Variants in WDR44 observed in about 807,000 individuals in gnomAD.
The protein encoded by WDR44 is WD repeat domain 44.
WDR44 carries 9 observed loss-of-function variants against 65.7 expected under a neutral mutation model. The observed-to-expected ratio is 0.14, with a 90% CI of 0.08 to 0.24. The LOEUF (loss-of-function observed/expected upper bound fraction) is 0.24, where lower values mean the gene tolerates loss of function less well. Among genes scored for constraint, WDR44 ranks in the 10% least tolerant of loss-of-function variants. The pLI, the probability that WDR44 is intolerant of heterozygous loss-of-function variation, is 1.00. For synonymous variants in WDR44, 220 were observed against 235.2 expected, an observed-to-expected ratio of 0.94 and a Z score of 0.59; for missense variants, 425 against 670.9, an observed-to-expected ratio of 0.63 and a Z score of 4.05.
intron 14 of WDR44, among the ~76,000 whole-genome samples, chrX:118,437,992 C>T (rs766950082): frequency 3.3e-4 from 36 of 108,105 alleles, no homozygotes; most frequent in Middle Eastern, 4.7e-3. Context: ...GCTGAGATCG[C>T]GCCAGCCTGG....
chrX:118,376,605 G>A (rs2056662458), intron 1 of WDR44, among the ~76,000 whole-genome samples: 1 of 111,443 alleles, frequency 9.0e-6, no homozygotes, highest in Non-Finnish European at 1.9e-5. Flanking sequence ...ATAACCCCAA[G>A]GTATAACTAA....
At chrX:118,396,382 A>C (rs1275574231) in intron 6 of WDR44, among the ~76,000 whole-genome samples, 1 of 112,241 alleles carries the variant, frequency 8.9e-6, no homozygotes, top group Non-Finnish European at 1.9e-5. Context: ...CATTCATAAC[A>C]GCCAGAAAGT....
At chrX:118,359,253 ATTACT>A (rs1451303020) in intron 1 of WDR44, among the ~76,000 whole-genome samples, 1 of 112,188 alleles carries the variant, frequency 8.9e-6, no homozygotes, top group Middle Eastern at 4.6e-3. Context: ...TTTACTGGAA[ATTACT>A]TTAAGTCATT....
intron 12 of WDR44, among the ~76,000 whole-genome samples, chrX:118,427,987 TA>T (rs1217836935): frequency 1.8e-5 from 2 of 109,419 alleles, no homozygotes; most frequent in Non-Finnish European, 3.8e-5. Context: ...TTTTTTTAAT[TA>T]AAAAATAATT....
At chrX:118,363,401 C>CA (rs58108879) in intron 1 of WDR44, among the ~76,000 whole-genome samples, 699 of 35,142 alleles carry the variant, frequency 0.02, 6 homozygotes, top group Non-Finnish European at 0.033. Flanking sequence ...AACTCCGTCT[C>CA]AAAAAAAAAA....
rs750001906 is a variant in WDR44, at chrX:118,423,828, A to G, written c.1738-8953A>G. On this transcript the variant is annotated intron_variant, in intron 12 of 19. Coordinates refer to ENST00000254029, the MANE Select transcript of WDR44 (RefSeq NM_019045.5). ...CTATGAGTTTGTTGTTTCTAGATTC[A>G]TCATATAAGTGGCATTATGTAGTAT... Among the ~76,000 whole-genome samples, 22 of 112,215 alleles carry G rather than the reference A, an allele frequency of 2.0e-4. No individual in the cohort carries two copies. The South Asian group carries it at 4.4e-3, about 23-fold the overall frequency.
chrX:118,394,889 A>G (rs2056852574), intron 5 of WDR44, among the ~76,000 whole-genome samples: 1 of 112,061 alleles, frequency 8.9e-6, no homozygotes, highest in South Asian at 3.7e-4. Context: ...AATGCCTTAA[A>G]TATTTACTGT....
chrX:118,359,316 G>A (rs1431908374), intron 1 of WDR44, among the ~76,000 whole-genome samples: 2 of 112,160 alleles, frequency 1.8e-5, no homozygotes, highest in African/African-American at 6.5e-5. Flanking sequence ...TTGGGACATG[G>A]TGATATAGCT....
chrX:118,383,813 T>C (rs1399805220), intron 2 of WDR44, among the ~76,000 whole-genome samples: 96 of 102,791 alleles, frequency 9.3e-4, no homozygotes, highest in Admixed American at 2.6e-3. Flanking sequence ...GTATTCTCTC[T>C]CCACCTTGTC....
intron 12 of WDR44, among the ~76,000 whole-genome samples, chrX:118,424,323 G>GTGTGTGTGTATATA (rs1289349202): frequency 4.6e-5 from 3 of 65,564 alleles, no homozygotes; most frequent in African/African-American, 2.0e-4. Flanking sequence ...GTGTGTGTGT[G>GTGTGTGTGTATATA]TATATATATA....
intron 12 of WDR44, among the ~76,000 whole-genome samples, chrX:118,422,273 T>G (rs2057111414): frequency 9.0e-6 from 1 of 110,571 alleles, no homozygotes; most frequent in African/African-American, 3.3e-5. Context: ...GGCATGTACC[T>G]GTAGTCCAGC....
chrX:118,438,430 CTTTTT>C (rs1193836109), intron 14 of WDR44, among the ~76,000 whole-genome samples: 3 of 81,721 alleles, frequency 3.7e-5, no homozygotes, highest in Non-Finnish European at 6.5e-5. Context: ...CTTTTCTTTT[CTTTTT>C]ATTTATCTAT....
At chrX:118,440,932 A>C (rs1321810294) in intron 14 of WDR44, among the ~76,000 whole-genome samples, 2 of 106,638 alleles carry the variant, frequency 1.9e-5, no homozygotes, top group African/African-American at 6.9e-5. Flanking sequence ...TAAAGAATAA[A>C]AATTTTTAAA....
intron 14 of WDR44, among the ~76,000 whole-genome samples, chrX:118,439,198 T>C (rs1381946056): frequency 9.0e-6 from 1 of 110,771 alleles, no homozygotes; most frequent in African/African-American, 3.3e-5. Context: ...TAGGAAAGAA[T>C]AGGGTAGTGA....
intron 1 of WDR44, among the ~76,000 whole-genome samples, chrX:118,373,899 C>G (rs1183963218): frequency 4.5e-5 from 5 of 111,820 alleles, no homozygotes; most frequent in Non-Finnish European, 9.4e-5. Flanking sequence ...TTGGCAAATG[C>G]TTAATAAATG....
chrX:118,400,668 TTG>T (rs1316081254), intron 8 of WDR44, among the ~76,000 whole-genome samples: 20 of 55,089 alleles, frequency 3.6e-4, no homozygotes, highest in South Asian at 2.8e-3. Context: ...GAAATCAGTT[TTG>T]TTTTTTTTTT....
intron 6 of WDR44, among the ~76,000 whole-genome samples, chrX:118,395,568 CAAAA>C (rs748517035): frequency 0.016 from 1,753 of 107,024 alleles, 14 homozygotes; most frequent in Middle Eastern, 0.034. Flanking sequence ...CTGTTACACA[CAAAA>C]AAAAATACAG....
At chrX:118,411,326 T>A (rs2147721979) in intron 12 of WDR44, among the ~76,000 whole-genome samples, 1 of 112,151 alleles carries the variant, frequency 8.9e-6, no homozygotes, top group East Asian at 2.8e-4. Context: ...TTTTCTAATC[T>A]TCTTGGTTTA....
At chrX:118,424,812 C>T (rs926470308) in intron 12 of WDR44, among the ~76,000 whole-genome samples, 6 of 111,122 alleles carry the variant, frequency 5.4e-5, no homozygotes, top group African/African-American at 9.8e-5. Flanking sequence ...TTCCTGTTTT[C>T]TTCTAGGAGT....
Sources: allele counts gnomAD v4.1 joint callset (sites outside exome capture counted in the v4.1 genomes callset), GRCh38; gene constraint gnomAD v4.1.1; transcripts MANE v1.5; gene names NCBI Gene and HGNC (gene_info 2026-07-23, HGNC 2026-07-21).